NCOA2: variants seen among roughly 807,000 people sequenced by gnomAD.
NCOA2 encodes the protein nuclear receptor coactivator 2.
A neutral mutation model predicts 145.1 loss-of-function variants in NCOA2; 21 were observed. The ratio of observed to expected loss-of-function variants is 0.14; its 90% CI spans 0.10 to 0.21. The LOEUF (loss-of-function observed/expected upper bound fraction) is 0.21. Among genes scored for constraint, NCOA2 ranks in the 10% least tolerant of loss-of-function variants. The probability of loss-of-function intolerance (pLI) is 1.00; values close to 1 mark genes in which losing one functional copy is unlikely to be tolerated. For missense variants in NCOA2, 1,472 were observed against 1,837.6 expected, an observed-to-expected ratio of 0.80 and a Z score of 3.64; for synonymous variants, 619 against 637.5, an observed-to-expected ratio of 0.97 and a Z score of 0.44.
intron 2 of NCOA2, among the ~76,000 whole-genome samples, chr8:70,258,212 T>C (rs1188723572): frequency 1.3e-5 from 2 of 152,228 alleles, no homozygotes; most frequent in Non-Finnish European, 2.9e-5. Flanking sequence ...CCACCTGTAA[T>C]GCCCAATGGG....
At position 70,298,694 on chromosome 8, in the gene NCOA2, C is replaced by T. The variant is rs530527002; in HGVS notation, c.-76-1894G>A. Among the ~76,000 whole-genome samples the T allele has an allele frequency of 5.3e-4, 81 of 152,300 alleles. 3 individuals carry two copies. The South Asian group carries it at 0.011, about 20-fold the overall frequency. On this transcript the variant is annotated intron_variant, in intron 1 of 22. Coordinates refer to ENST00000452400, the MANE Select transcript of NCOA2 (RefSeq NM_006540.4). ...AATTATATTAAATGATTACTGTTGG[C>T]TCTATACTATTCAGTAAGCTTTTAT...
intron 22 of NCOA2, among the ~76,000 whole-genome samples, chr8:70,119,852 A>G (rs1807592052): frequency 6.7e-6 from 1 of 150,286 alleles, no homozygotes; most frequent in South Asian, 2.1e-4. Flanking sequence ...CTTTTGAGAA[A>G]TTATTCATGT....
At chr8:70,181,207 A>T (rs1815437087) in intron 4 of NCOA2, among the ~76,000 whole-genome samples, 1 of 152,196 alleles carries the variant, frequency 6.6e-6, no homozygotes, top group Non-Finnish European at 1.5e-5. Flanking sequence ...ACAGCCACGT[A>T]ATTGTTCTAA....
chr8:70,189,189 C>G (rs1018949720), intron 4 of NCOA2, among the ~76,000 whole-genome samples: 1 of 152,150 alleles, frequency 6.6e-6, no homozygotes, highest in African/African-American at 2.4e-5. Context: ...TCTACCAGAG[C>G]TGGCCAGGTT....
chr8:70,347,468 G>C (rs1206484347), intron 1 of NCOA2, among the ~76,000 whole-genome samples: 1 of 150,540 alleles, frequency 6.6e-6, no homozygotes, highest in African/African-American at 2.4e-5. Flanking sequence ...CTGGACGACA[G>C]AGCAAGACTC....
chr8:70,159,607 A>G lies in NCOA2; in HGVS notation c.1022T>C (p.Leu341Ser), dbSNP rs775199739. The G allele has an allele frequency of 6.2e-6, 10 of 1,612,898 alleles. No individual in the cohort carries two copies. The highest frequency in any genetic ancestry group is 7.6e-6 in the Non-Finnish European group (9 of 1,179,090). ...TGCAGCAACAAGAGTGCCATCAGAC[A>G]AGGAAAAACGATAGATTTGACTGAA... ...LAFSQIYRFS[L>S]SDGTLVAAQT... is the part of the protein sequence containing the mutation. Residue 341 changes from leucine to serine, a missense_variant, in exon 10 of 23, where the codon TTG becomes TCG. Around this residue, in one of 4 missense-constraint regions of NCOA2, gnomAD observed 284 missense variants for 467.8 expected, o/e 0.61. Coordinates refer to ENST00000452400, the MANE Select transcript of NCOA2 (RefSeq NM_006540.4).
At chr8:70,239,521 C>A (rs1821941835) in intron 2 of NCOA2, among the ~76,000 whole-genome samples, 1 of 152,148 alleles carries the variant, frequency 6.6e-6, no homozygotes, top group South Asian at 2.1e-4. Context: ...TTCCTAAGGA[C>A]CCACAACCTG....
At chr8:70,284,927 G>A (rs925510921) in intron 2 of NCOA2, among the ~76,000 whole-genome samples, 16 of 152,080 alleles carry the variant, frequency 1.1e-4, no homozygotes, top group Non-Finnish European at 2.2e-4. Flanking sequence ...GATGTCCCAC[G>A]GAGCAGGGAA....
At chr8:70,343,705 G>T (rs763766011) in intron 1 of NCOA2, among the ~76,000 whole-genome samples, 3 of 151,804 alleles carry the variant, frequency 2.0e-5, no homozygotes, top group Admixed American at 2.0e-4. Flanking sequence ...TCCCAGCTCA[G>T]GAGGCTGAGG....
At chr8:70,257,691 C>A (rs540241133) in intron 2 of NCOA2, among the ~76,000 whole-genome samples, 16 of 152,082 alleles carry the variant, frequency 1.1e-4, no homozygotes, top group African/African-American at 3.4e-4. Flanking sequence ...CCCTTGAGAA[C>A]CACACAGAGA....
Position 70,116,186 on chromosome 8 carries a change from TAAAA to T in NCOA2, c.4384-2547_4384-2544del, listed in dbSNP as rs71558579. Reference sequence around the variant, plus strand: ...TGGGCGACAAAGCGAGACTCTGTCTTAAAAAAAAAAAAAAAAAAAAAGGATGACA... The same window carrying T: ...TGGGCGACAAAGCGAGACTCTGTCTTAAAAAAAAAAAAAAAAAGGATGACA... On this transcript the variant is annotated intron_variant, in intron 22 of 22. Transcript: ENST00000452400. Among the ~76,000 whole-genome samples, 17 of 80,672 alleles carry T rather than the reference TAAAA, an allele frequency of 2.1e-4. No individual in the cohort carries two copies. In the East Asian group the frequency reaches 5.2e-3, roughly 25 times the overall value. The allele number at this position is 80,672 out of a possible 152,430, so 52.9% of individuals were successfully genotyped here. A position where few individuals can be genotyped will look rare whatever the true frequency, so the allele number is the denominator to read the frequency against.
chr8:70,299,470 G>T (rs539775398), intron 1 of NCOA2, among the ~76,000 whole-genome samples: 1 of 152,196 alleles, frequency 6.6e-6, no homozygotes, highest in Admixed American at 6.5e-5. Flanking sequence ...AATATATAAA[G>T]ATCTCTTACA....
chr8:70,312,778 C>G (rs567210275), intron 1 of NCOA2, among the ~76,000 whole-genome samples: 1 of 152,054 alleles, frequency 6.6e-6, no homozygotes, highest in Non-Finnish European at 1.5e-5. Flanking sequence ...TATCGTACTT[C>G]GTAATCAACA....
chr8:70,438,797 T>G, the NCOA2 span, among the ~76,000 whole-genome samples: 1 of 152,332 alleles, frequency 6.6e-6, no homozygotes, highest in Middle Eastern at 3.4e-3. Context: ...TTTTTTCCAA[T>G]TTTAGAATTT....
At chr8:70,132,079 G>A in intron 15 of NCOA2, 77 bp from the exon 16 acceptor site, 1 of 1,430,586 alleles carries the variant, frequency 7.0e-7, no homozygotes, top group South Asian at 1.3e-5. Flanking sequence ...TCTCAAAGGT[G>A]AAAGTATCAA....
the NCOA2 span, among the ~76,000 whole-genome samples, chr8:70,440,154 G>A: frequency 0.4 from 60,853 of 151,976 alleles, 13,293 homozygotes; most frequent in Middle Eastern, 0.59. Flanking sequence ...GCATGGTGGC[G>A]CACACCTGTA....
intron 2 of NCOA2, among the ~76,000 whole-genome samples, chr8:70,245,728 C>T (rs1221584434): frequency 6.6e-6 from 1 of 152,036 alleles, no homozygotes; most frequent in Non-Finnish European, 1.5e-5. Context: ...AAAATAAATG[C>T]TCAAAACAAA....
intron 5 of NCOA2, 67 bp from the exon 6 acceptor site, chr8:70,170,446 G>A: frequency 2.3e-6 from 3 of 1,315,254 alleles, no homozygotes; most frequent in Admixed American, 2.8e-5. Flanking sequence ...TTGTTAAGAA[G>A]GGAATGATCC....
intron 2 of NCOA2, among the ~76,000 whole-genome samples, chr8:70,259,933 C>T (rs552371912): frequency 1.2e-4 from 19 of 152,286 alleles, no homozygotes; most frequent in East Asian, 1.9e-4. Context: ...GTCCCTGATT[C>T]GGTGTTAAAC....
Sources: allele counts gnomAD v4.1 joint callset (sites outside exome capture counted in the v4.1 genomes callset), GRCh38; gene constraint gnomAD v4.1.1; regional missense constraint gnomAD v4.1.1; transcripts MANE v1.5; gene names NCBI Gene and HGNC (gene_info 2026-07-23, HGNC 2026-07-21).